ERBB4: variants seen among roughly 807,000 people sequenced by gnomAD.
ERBB4 encodes the protein receptor tyrosine-protein kinase erbB-4.
In ERBB4, 42 loss-of-function variants were observed where a neutral mutation model predicts 158.0. That is an observed-to-expected ratio of 0.27 (90% CI 0.21 to 0.34). ERBB4 has a LOEUF of 0.34. ERBB4 is among the 10% of genes least tolerant of loss of function. ERBB4 has a pLI of 1.00. For synonymous variants in ERBB4, 583 were observed against 558.7 expected, an observed-to-expected ratio of 1.04 and a Z score of -0.61; for missense variants, 1,333 against 1,624.1, an observed-to-expected ratio of 0.82 and a Z score of 3.08.
chr2:211,803,176 C>T (rs532943040), intron 3 of ERBB4, among the ~76,000 whole-genome samples: 3 of 152,184 alleles, frequency 2.0e-5, no homozygotes, highest in Admixed American at 6.5e-5. Context: ...ATGTGTCATG[C>T]TAAATTTTGT....
chr2:211,930,131 A>C (rs2080133684), intron 3 of ERBB4, among the ~76,000 whole-genome samples: 1 of 150,134 alleles, frequency 6.7e-6, no homozygotes. Flanking sequence ...ATAAAATGAC[A>C]GAGTAATGTT....
chr2:211,845,008 C>T (rs2077556881), intron 3 of ERBB4, among the ~76,000 whole-genome samples: 1 of 151,982 alleles, frequency 6.6e-6, no homozygotes, highest in Non-Finnish European at 1.5e-5. Context: ...TGTTCTTCAC[C>T]AATTCTTGTA....
chr2:212,429,738 A>AG (rs201821431), intron 1 of ERBB4, among the ~76,000 whole-genome samples: 10,797 of 152,218 alleles, frequency 0.071, 438 homozygotes, highest in Non-Finnish European at 0.091. Flanking sequence ...AGTTAGATTC[A>AG]AACCTGTCTA....
chr2:211,663,244 T>C (rs2071500121), intron 15 of ERBB4, among the ~76,000 whole-genome samples: 1 of 152,332 alleles, frequency 6.6e-6, no homozygotes, highest in East Asian at 1.9e-4. Flanking sequence ...AGCATTTTTA[T>C]GAAGTGAGTG....
At chr2:211,438,195 C>T (rs1232909432) in intron 20 of ERBB4, among the ~76,000 whole-genome samples, 1 of 152,162 alleles carries the variant, frequency 6.6e-6, no homozygotes, top group Non-Finnish European at 1.5e-5. Flanking sequence ...CCGAAATGAT[C>T]TCTGAGGTTA....
chr2:212,182,441 C>T (rs2081896786), intron 1 of ERBB4, among the ~76,000 whole-genome samples: 1 of 151,800 alleles, frequency 6.6e-6, no homozygotes, highest in South Asian at 2.1e-4. Flanking sequence ...TGCCAGTACC[C>T]ACACCTTTTT....
intron 3 of ERBB4, among the ~76,000 whole-genome samples, chr2:211,837,292 A>T (rs1342418434): frequency 2.0e-5 from 3 of 152,090 alleles, no homozygotes; most frequent in African/African-American, 7.2e-5. Context: ...TAGAATTCAG[A>T]CATCAATTCT....
chr2:211,734,133 ACAT>A (rs939651105), intron 5 of ERBB4, among the ~76,000 whole-genome samples: 7 of 152,212 alleles, frequency 4.6e-5, no homozygotes, highest in Admixed American at 3.9e-4. Context: ...TAAAAAAAGA[ACAT>A]CATATTAGGT....
At chr2:211,933,076 GAT>G (rs1300737674) in intron 3 of ERBB4, among the ~76,000 whole-genome samples, 6 of 151,974 alleles carry the variant, frequency 3.9e-5, no homozygotes, top group Non-Finnish European at 8.8e-5. Context: ...TTGCACAAGT[GAT>G]AGTTAGGTTC....
intron 1 of ERBB4, among the ~76,000 whole-genome samples, chr2:212,369,186 A>G (rs144974424): frequency 6.6e-6 from 1 of 152,206 alleles, no homozygotes; most frequent in Non-Finnish European, 1.5e-5. Context: ...AGTTCATAAA[A>G]AGAGATTAAT....
intron 1 of ERBB4, among the ~76,000 whole-genome samples, chr2:212,527,353 G>A (rs763378655): frequency 6.6e-6 from 1 of 152,038 alleles, no homozygotes; most frequent in Non-Finnish European, 1.5e-5. Context: ...AAGTAATTGT[G>A]ATTTCTGCCA....
chr2:211,545,316 A>G (rs760551125), intron 20 of ERBB4, among the ~76,000 whole-genome samples: 16 of 152,112 alleles, frequency 1.1e-4, no homozygotes, highest in Non-Finnish European at 2.2e-4. Flanking sequence ...CACCCAGATT[A>G]TGAATAGTAA....
At chr2:211,774,896 G>T (rs910817551) in intron 4 of ERBB4, among the ~76,000 whole-genome samples, 27 of 152,122 alleles carry the variant, frequency 1.8e-4, no homozygotes, top group Admixed American at 1.6e-3. Flanking sequence ...TAACATGATT[G>T]CTTCTGTTAA....
chr2:212,308,235 T>C (rs922483499), intron 1 of ERBB4, among the ~76,000 whole-genome samples: 12 of 151,202 alleles, frequency 7.9e-5, no homozygotes, highest in African/African-American at 2.4e-4. Context: ...AATATGGACC[T>C]CATTTTTCTG....
chr2:212,450,930 AGCCTGG>A (rs2092436789), intron 1 of ERBB4, among the ~76,000 whole-genome samples: 1 of 152,102 alleles, frequency 6.6e-6, no homozygotes, highest in Admixed American at 6.6e-5. Flanking sequence ...GTTTGAGACC[AGCCTGG>A]GCAACACAGC....
chr2:212,510,691 T>C lies in ERBB4; in HGVS notation c.82+27758A>G, dbSNP rs146218537. On this transcript the variant is annotated intron_variant, in intron 1 of 27. Transcript: ENST00000342788. ...CTTCAAAATTTGTACATTATACTTA[T>C]CTGATTGAAAAGCCTAACATCCTAT... Among the ~76,000 whole-genome samples the C allele has an allele frequency of 4.1e-4, 63 of 152,178 alleles. No homozygotes were observed. In the East Asian group the frequency reaches 5.8e-3, roughly 14 times the overall value.
At chr2:212,179,027 A>G (rs2081768509) in intron 1 of ERBB4, among the ~76,000 whole-genome samples, 1 of 151,696 alleles carries the variant, frequency 6.6e-6, no homozygotes, top group African/African-American at 2.4e-5. Context: ...GTAATACTAT[A>G]TCTTTTTAGC....
intron 1 of ERBB4, among the ~76,000 whole-genome samples, chr2:212,375,141 C>G (rs1341354901): frequency 6.6e-6 from 1 of 151,938 alleles, no homozygotes; most frequent in Non-Finnish European, 1.5e-5. Flanking sequence ...AAAGCTTACT[C>G]TAATAGAACA....
chr2:212,086,821 T>A (rs919410216), intron 2 of ERBB4, among the ~76,000 whole-genome samples: 1 of 151,978 alleles, frequency 6.6e-6, no homozygotes, highest in African/African-American at 2.4e-5. Flanking sequence ...AACCATCTAA[T>A]CAGAGTCTTT....
Sources: gnomAD v4.1 joint callset for allele counts (sites outside exome capture counted in the v4.1 genomes callset) on GRCh38, gnomAD v4.1.1 for gene constraint, MANE v1.5 for transcripts, NCBI Gene and HGNC (gene_info 2026-07-23, HGNC 2026-07-21) for gene names.